CACNA1C: variants seen among roughly 807,000 people sequenced by gnomAD.
The protein encoded by CACNA1C is calcium voltage-gated channel subunit alpha1 C, also known as voltage-dependent L-type calcium channel subunit alpha-1C.
A neutral mutation model predicts 229.0 loss-of-function variants in CACNA1C; 30 were observed. The ratio of observed to expected loss-of-function variants is 0.13; its 90% CI spans 0.10 to 0.18. The LOEUF is 0.18. Among genes scored for constraint, CACNA1C ranks in the 10% least tolerant of loss-of-function variants. The pLI is 1.00. For synonymous variants in CACNA1C, 1,114 were observed against 1,132.5 expected (o/e 0.98, Z 0.33); for missense variants, 1,658 against 2,845.0 (o/e 0.58, Z 9.49).
chr12:2,559,811 T>A (rs2046509112), intron 11 of CACNA1C, among the ~76,000 whole-genome samples: 1 of 152,288 alleles, frequency 6.6e-6, no homozygotes, highest in Admixed American at 6.5e-5. Flanking sequence ...AGTGTGTAAC[T>A]CTAGAGCCAT....
At chr12:2,295,695 G>A (rs1394743729) in intron 3 of CACNA1C, among the ~76,000 whole-genome samples, 1 of 152,236 alleles carries the variant, frequency 6.6e-6, no homozygotes, top group Non-Finnish European at 1.5e-5. Context: ...TGCTAGACCC[G>A]TTACAACCAT....
intron 1 of CACNA1C, among the ~76,000 whole-genome samples, chr12:2,096,444 AGCTTCCAAAT>A (rs1410681436): frequency 6.6e-6 from 1 of 152,170 alleles, no homozygotes. Flanking sequence ...CCTGAAGGAC[AGCTTCCAAAT>A]GCCTTCCCCT....
Position 2,602,610 on chromosome 12 carries a change from T to C in CACNA1C, c.2960+650T>C, listed in dbSNP as rs1013133331. ...GTATGTGTGAGTGCATGTATGTGTG[T>C]GACTGTGTATATTTGTGTCTTGTGT... On this transcript the variant is annotated intron_variant, in intron 22 of 46. Coordinates refer to ENST00000399655, the MANE Select transcript of CACNA1C (RefSeq NM_000719.7). This position sits in a 1 kb window ranked among gnomAD's most constrained non-coding sequence, Gnocchi z 4.4. Among the ~76,000 whole-genome samples the C allele has an allele frequency of 6.9e-6, 1 of 145,858 alleles. No individual in the cohort carries two copies. Among genetic ancestry groups the C allele is most frequent in the Admixed American group, 7.0e-5 (1 of 14,198 alleles).
At chr12:2,223,213 G>C (rs1410759859) in intron 3 of CACNA1C, among the ~76,000 whole-genome samples, 1 of 152,194 alleles carries the variant, frequency 6.6e-6, no homozygotes, top group Non-Finnish European at 1.5e-5. Flanking sequence ...GAAGCTGTGT[G>C]GTGAATGGGT....
intron 3 of CACNA1C, among the ~76,000 whole-genome samples, chr12:2,194,389 C>T (rs2097340315): frequency 6.8e-6 from 1 of 147,994 alleles, no homozygotes; most frequent in African/African-American, 2.5e-5. Context: ...CTTCCTGCTC[C>T]CCCTCCTCTT....
chr12:2,414,531 C>G (rs34533190), intron 3 of CACNA1C, among the ~76,000 whole-genome samples: 57,417 of 151,908 alleles, frequency 0.38, 10,992 homozygotes, highest in Admixed American at 0.49. Context: ...TTTATGCCTG[C>G]GTCAGGCTTC....
chr12:2,216,715 G>T (rs2060067305), intron 3 of CACNA1C, among the ~76,000 whole-genome samples: 1 of 152,162 alleles, frequency 6.6e-6, no homozygotes, highest in Admixed American at 6.5e-5. Flanking sequence ...ATAGGGCTGG[G>T]ACATCAGTAT....
intron 3 of CACNA1C, among the ~76,000 whole-genome samples, chr12:2,284,701 T>C (rs1310434800): frequency 6.6e-6 from 1 of 152,256 alleles, no homozygotes; most frequent in African/African-American, 2.4e-5. Context: ...TATGGGGTCC[T>C]GCTTTGTTCA....
At chr12:2,455,871 C>A (rs907049272) in intron 4 of CACNA1C, among the ~76,000 whole-genome samples, 2 of 152,170 alleles carry the variant, frequency 1.3e-5, no homozygotes, top group Non-Finnish European at 2.9e-5. Flanking sequence ...CCTCTCTTGA[C>A]CCCTCAATGT....
In CACNA1C at chr12:2,644,065, A is replaced by G. The variant is rs186728102; in HGVS notation, c.3913-4410A>G. 2.1e-3 allele frequency among the ~76,000 whole-genome samples: 314 copies of G among 152,320 alleles called. 4 individuals are homozygous for G. Among genetic ancestry groups the G allele is most frequent in the Non-Finnish European group, 4.0e-3 (271 of 68,022 alleles). On this transcript the variant is annotated intron_variant, in intron 30 of 46. Transcript: ENST00000399655. ...TCAGATCCACCTCCCTAAGTTCTGG[A>G]CAAGACATTTTAAAAAATATAGCAA...
Position 2,682,532 on chromosome 12 carries a change from T to TC in CACNA1C, c.5445-17dup, listed in dbSNP as rs752372266. 65 of 1,609,522 alleles carry TC rather than the reference T, an allele frequency of 4.0e-5. No individual in the cohort carries two copies. The highest frequency in any genetic ancestry group is 5.4e-5 in the Non-Finnish European group (64 of 1,178,462). On this transcript the variant is annotated splice_polypyrimidine_tract_variant and intron_variant, in intron 42 of 46. Transcript: ENST00000399655. ...GGTTGGCAGTTTCTGATGTTTTTCT[T>TC]CATCTTGGATATTGTAGGTGCCACT...
At chr12:2,645,003 T>C (rs961727751) in intron 30 of CACNA1C, among the ~76,000 whole-genome samples, 3 of 152,226 alleles carry the variant, frequency 2.0e-5, no homozygotes, top group African/African-American at 7.2e-5. Flanking sequence ...AGATACGGAA[T>C]AATAACCTCA....
At chr12:2,680,990 C>A (rs1035927551) in intron 42 of CACNA1C, among the ~76,000 whole-genome samples, 1 of 152,202 alleles carries the variant, frequency 6.6e-6, no homozygotes, top group African/African-American at 2.4e-5. Flanking sequence ...TCTTGGGGGC[C>A]TGCACCTGTT....
At chr12:2,350,349 G>A (rs1425618000) in intron 3 of CACNA1C, among the ~76,000 whole-genome samples, 1 of 152,174 alleles carries the variant, frequency 6.6e-6, no homozygotes, top group Non-Finnish European at 1.5e-5. Context: ...AGCCTTGTTA[G>A]GTAGGAGACT....
At position 2,607,077 on chromosome 12, in the gene CACNA1C, T is replaced by C. The variant is rs760313875; in HGVS notation, c.3303T>C (p.Val1101=). ...ACAGCAAGTTTGACTTTGACAATGT[T>C]CTGGCAGCCATGATGGCCCTCTTCA... ...WENSKFDFDN[V]LAAMMALFTV... Residue 1101 remains valine (V), a synonymous_variant, in exon 26 of 47, where the codon GTT becomes GTC. Transcript: ENST00000399655. 106 of 1,613,834 alleles carry C rather than the reference T, an allele frequency of 6.6e-5. No homozygotes were observed. Among genetic ancestry groups the C allele is most frequent in the Non-Finnish European group, 8.7e-5 (103 of 1,179,898 alleles).
intron 18 of CACNA1C, among the ~76,000 whole-genome samples, chr12:2,589,803 T>C (rs1031157524): frequency 6.6e-6 from 1 of 152,154 alleles, no homozygotes; most frequent in African/African-American, 2.4e-5. Flanking sequence ...GGACAGGGGA[T>C]GGTGCCGGAG....
At chr12:2,452,516 A>G (rs902643054) in intron 4 of CACNA1C, among the ~76,000 whole-genome samples, 4 of 152,094 alleles carry the variant, frequency 2.6e-5, no homozygotes, top group African/African-American at 9.7e-5. Flanking sequence ...CGGACTACAG[A>G]TCTGCCAGAC....
chr12:2,648,945 G>T (rs975525809), intron 31 of CACNA1C, among the ~76,000 whole-genome samples: 12 of 152,292 alleles, frequency 7.9e-5, no homozygotes, highest in Admixed American at 2.6e-4. Context: ...TGGAAGGGTG[G>T]ACGATGATTC....
intron 7 of CACNA1C, among the ~76,000 whole-genome samples, chr12:2,495,637 G>A (rs556128861): frequency 6.6e-6 from 1 of 152,340 alleles, no homozygotes; most frequent in African/African-American, 2.4e-5. Flanking sequence ...ATTTTCAGCA[G>A]CTGTGTTGTG....
Sources: gnomAD v4.1 joint callset for allele counts (sites outside exome capture counted in the v4.1 genomes callset) on GRCh38, gnomAD v4.1.1 for gene constraint, Gnocchi (gnomAD v3.1) non-coding constraint, MANE v1.5 for transcripts, NCBI Gene and HGNC (gene_info 2026-07-23, HGNC 2026-07-21) for gene names.